The following IMPA2 variants were observed in gnomAD, a reference collection of about 807,000 sequenced individuals.
IMPA2 encodes IMP 2.
In IMPA2, 32 loss-of-function variants were observed where a neutral mutation model predicts 35.1. The observed-to-expected ratio is 0.91, with a 90% CI of 0.69 to 1.23. The LOEUF is 1.23. Among genes scored for constraint, IMPA2 ranks in the 50% most tolerant of loss-of-function variants. The pLI is 0.00. For missense variants in IMPA2, 334 were observed against 387.6 expected, an observed-to-expected ratio of 0.86 and a Z score of 1.16; for synonymous variants, 135 against 160.6, an observed-to-expected ratio of 0.84 and a Z score of 1.20.
chr18:12,007,657 T>C (rs1291125963), intron 2 of IMPA2, among the ~76,000 whole-genome samples: 1 of 137,116 alleles, frequency 7.3e-6, no homozygotes, highest in African/African-American at 2.9e-5. Flanking sequence ...CTTTCTTTCT[T>C]TCTTTCTTTC....
chr18:12,018,451 T>G (rs1014062057), intron 5 of IMPA2, among the ~76,000 whole-genome samples: 2 of 152,184 alleles, frequency 1.3e-5, no homozygotes, highest in African/African-American at 4.8e-5. Flanking sequence ...GGTACAGATT[T>G]AACGCCACCA....
At chr18:11,995,648 C>T (rs1235779150) in intron 1 of IMPA2, among the ~76,000 whole-genome samples, 1 of 152,092 alleles carries the variant, frequency 6.6e-6, no homozygotes, top group Admixed American at 6.6e-5. Context: ...TTAGGAAGTG[C>T]GTCTGGCTGT....
At chr18:12,005,994 G>C (rs1907237299) in intron 2 of IMPA2, among the ~76,000 whole-genome samples, 1 of 152,202 alleles carries the variant, frequency 6.6e-6, no homozygotes, top group African/African-American at 2.4e-5. Context: ...CTTGTGCCCA[G>C]TTTAAGCTTT....
At chr18:12,028,760 G>C in intron 6 of IMPA2, 82 bp from the exon 7 acceptor site, 2 of 1,473,496 alleles carry the variant, frequency 1.4e-6, no homozygotes, top group Non-Finnish European at 1.8e-6. Context: ...TGCCCAGCCG[G>C]GGTACCTGGC....
chr18:12,017,921 G>T, intron 5 of IMPA2: 2 of 194,690 alleles, frequency 1.0e-5, no homozygotes, highest in Non-Finnish European at 2.1e-5. Context: ...TCGATAATGA[G>T]TTATACTGGG....
chr18:12,005,463 T>C (rs1466376435), intron 2 of IMPA2, among the ~76,000 whole-genome samples: 1 of 150,508 alleles, frequency 6.6e-6, no homozygotes, highest in African/African-American at 2.5e-5. Context: ...CCAGCCTGGC[T>C]GACAAAGCGA....
At position 12,030,443 on chromosome 18, in the gene IMPA2, G is replaced by A. The variant is rs1214621197; in HGVS notation, c.852G>A (p.Arg284=). 6.2e-7 allele frequency: 1 copy of A among 1,614,048 alleles called. No homozygotes were observed. The highest frequency in any genetic ancestry group is 8.5e-7 in the Non-Finnish European group (1 of 1,179,872). ...CCTTACAGACGATTAACTATGGGCG[G>A]GATGATGAGAAGTGACTGCGGCTGA... ...AQALQTINYG[R]DDEK The change falls in exon 8 of 8, where the codon CGG becomes CGA. Residue 284 remains arginine, a synonymous_variant. Coordinates refer to ENST00000269159, the MANE Select transcript of IMPA2 (RefSeq NM_014214.3).
At chr18:12,018,008 C>T in intron 5 of IMPA2, 1 of 160,338 alleles carries the variant, frequency 6.2e-6, no homozygotes, top group Non-Finnish European at 1.4e-5. Flanking sequence ...ATGGGGCGAT[C>T]TCGGCTCACT....
intron 2 of IMPA2, among the ~76,000 whole-genome samples, chr18:12,001,259 C>A (rs11660567): frequency 0.082 from 12,518 of 152,094 alleles, 748 homozygotes; most frequent in East Asian, 0.29. Context: ...TAATTTTAAT[C>A]AAAGGGCAAT....
intron 1 of IMPA2, among the ~76,000 whole-genome samples, chr18:11,982,595 G>A (rs999032588): frequency 1.3e-5 from 2 of 152,296 alleles, no homozygotes; most frequent in East Asian, 3.9e-4. Context: ...AGGAGTTCGA[G>A]ACCAGCCTGA....
intron 1 of IMPA2, among the ~76,000 whole-genome samples, chr18:11,987,375 G>C (rs1208043954): frequency 6.6e-6 from 1 of 152,158 alleles, no homozygotes; most frequent in Non-Finnish European, 1.5e-5. Flanking sequence ...CTCTCGCTCA[G>C]GCTGGAGTGC....
At chr18:12,003,055 C>T (rs985106765) in intron 2 of IMPA2, among the ~76,000 whole-genome samples, 8 of 151,746 alleles carry the variant, frequency 5.3e-5, no homozygotes, top group African/African-American at 1.7e-4. Context: ...ATTAGCTGGG[C>T]ATGGTAGTGC....
intron 1 of IMPA2, among the ~76,000 whole-genome samples, chr18:11,996,740 C>T (rs1467824024): frequency 6.6e-6 from 1 of 152,140 alleles, no homozygotes; most frequent in Non-Finnish European, 1.5e-5. Context: ...TCTGCCCTTC[C>T]TTGATGATCC....
chr18:12,030,649 T>C lies in IMPA2; in HGVS notation c.*191T>C, dbSNP rs1908024649. 1 of 583,334 alleles carries C rather than the reference T, an allele frequency of 1.7e-6. No homozygotes were observed. Among genetic ancestry groups the C allele is most frequent in the South Asian group, 2.1e-5 (1 of 48,498 alleles). The allele number at this position is 583,334 out of a possible 1,614,324, so 36.1% of individuals were successfully genotyped here. On this transcript the variant is annotated 3_prime_UTR_variant, in exon 8 of 8. Transcript: ENST00000269159. ...GTCTCTCTCACCAGGATTTGGTGTT[T>C]AGCTGTTTCTCTCTTTAATCTCACG... is the stretch of plus-strand genomic sequence containing the variant.
chr18:12,005,842 G>A (rs910238720), intron 2 of IMPA2, among the ~76,000 whole-genome samples: 9 of 152,170 alleles, frequency 5.9e-5, no homozygotes, highest in Non-Finnish European at 1.0e-4. Flanking sequence ...TCTTTCCACC[G>A]CTTCAGTTTC....
Position 12,022,587 on chromosome 18 carries a change from A to G in IMPA2, c.491-5456A>G, listed in dbSNP as rs1907764328. 5.6e-5 allele frequency among the ~76,000 whole-genome samples: 8 copies of G among 141,804 alleles called. No individual in the cohort carries two copies. The South Asian group carries it at 1.8e-3, about 32-fold the overall frequency. 93.0% of individuals were successfully genotyped at this position (141,804 alleles called of 152,430 possible). A position where few individuals can be genotyped will look rare whatever the true frequency, so the allele number is the denominator to read the frequency against. ...TGTGTGTGTGCGTTTAAGACCTAAG[A>G]TATGGTAAATATAGGACAAAGGGTA... On this transcript the variant is annotated intron_variant, in intron 5 of 7. Coordinates refer to ENST00000269159, the MANE Select transcript of IMPA2 (RefSeq NM_014214.3).
intron 7 of IMPA2, 120 bp downstream of exon 7, chr18:12,029,113 T>G (rs984530366): frequency 2.2e-5 from 17 of 770,432 alleles, no homozygotes; most frequent in East Asian, 1.0e-4. Context: ...TTTCTGTTTT[T>G]TTTTTTTTTT....
chr18:12,001,686 C>T (rs1415858556), intron 2 of IMPA2, among the ~76,000 whole-genome samples: 1 of 152,182 alleles, frequency 6.6e-6, no homozygotes, highest in Admixed American at 6.5e-5. Flanking sequence ...TTGCCAGGGA[C>T]CGCCAGACTC....
chr18:12,018,721 C>T (rs758254376), intron 5 of IMPA2, among the ~76,000 whole-genome samples: 3 of 152,140 alleles, frequency 2.0e-5, no homozygotes, highest in Admixed American at 6.5e-5. Flanking sequence ...GATAGTTTTA[C>T]ATTTTTTCCA....
Sources: gnomAD v4.1 joint callset for allele counts (sites outside exome capture counted in the v4.1 genomes callset) on GRCh38, gnomAD v4.1.1 for gene constraint, MANE v1.5 for transcripts, NCBI Gene and HGNC (gene_info 2026-07-23, HGNC 2026-07-21) for gene names.